The following SPATA16 variants were observed in gnomAD, a reference collection of about 807,000 sequenced individuals.
SPATA16 encodes spermatogenesis associated 16.
In SPATA16, 36 loss-of-function variants were observed where a neutral mutation model predicts 63.3. That is an observed-to-expected ratio of 0.57 (90% CI 0.44 to 0.75). The LOEUF is 0.75. Among genes scored for constraint, SPATA16 ranks in the 30% least tolerant of loss-of-function variants. The probability of loss-of-function intolerance (pLI) is 0.00; values close to 1 mark genes in which losing one functional copy is unlikely to be tolerated. For missense variants in SPATA16, 646 were observed against 679.3 expected (o/e 0.95, Z 0.54); for synonymous variants, 203 against 216.7 (o/e 0.94, Z 0.56).
At chr3:172,963,335 A>T (rs1228290174) in intron 5 of SPATA16, among the ~76,000 whole-genome samples, 1 of 152,138 alleles carries the variant, frequency 6.6e-6, no homozygotes, top group Non-Finnish European at 1.5e-5. Context: ...TGCATTATTT[A>T]GAAATCACTA....
chr3:172,930,553 C>CT (rs34780432), intron 6 of SPATA16, among the ~76,000 whole-genome samples: 6,245 of 87,124 alleles, frequency 0.072, 932 homozygotes, highest in African/African-American at 0.23. Context: ...CATTCAAACT[C>CT]TTTTTTTTTT....
chr3:172,947,832 G>A (rs1039228379), intron 6 of SPATA16, among the ~76,000 whole-genome samples: 3 of 152,022 alleles, frequency 2.0e-5, no homozygotes, highest in Non-Finnish European at 4.4e-5. Flanking sequence ...AATATATGTG[G>A]GGTTTAAAAC....
chr3:172,911,812 A>G (rs1315824812), intron 10 of SPATA16, among the ~76,000 whole-genome samples: 1 of 152,148 alleles, frequency 6.6e-6, no homozygotes, highest in Non-Finnish European at 1.5e-5. Context: ...AATATTTCTT[A>G]GGTCCGTCTG....
At chr3:173,137,285 C>T (rs1014011383) in intron 1 of SPATA16, among the ~76,000 whole-genome samples, 7 of 152,106 alleles carry the variant, frequency 4.6e-5, no homozygotes, top group African/African-American at 1.7e-4. Flanking sequence ...CCAACCCCAT[C>T]CCATTATCTT....
chr3:173,111,195 T>C (rs890147332), intron 2 of SPATA16, among the ~76,000 whole-genome samples: 4 of 152,158 alleles, frequency 2.6e-5, no homozygotes, highest in African/African-American at 9.7e-5. Context: ...GAGAGGGTTA[T>C]TGCAATGATT....
chr3:172,957,082 T>C (rs1011495450), intron 5 of SPATA16, among the ~76,000 whole-genome samples: 7 of 152,244 alleles, frequency 4.6e-5, no homozygotes, highest in South Asian at 4.1e-4. Flanking sequence ...AAGATAAAAA[T>C]ATAAATTCTG....
intron 2 of SPATA16, among the ~76,000 whole-genome samples, chr3:173,050,459 C>A (rs897471344): frequency 2.6e-5 from 4 of 152,064 alleles, no homozygotes; most frequent in Non-Finnish European, 5.9e-5. Context: ...CATCTACTAT[C>A]TGCCAAAGTT....
At chr3:173,058,744 T>C (rs909080252) in intron 2 of SPATA16, among the ~76,000 whole-genome samples, 9 of 152,028 alleles carry the variant, frequency 5.9e-5, no homozygotes, top group Admixed American at 2.0e-4. Context: ...ATTTGTTCAC[T>C]TATTTTTATT....
chr3:172,935,412 T>G (rs895016732), intron 6 of SPATA16, among the ~76,000 whole-genome samples: 6 of 152,234 alleles, frequency 3.9e-5, no homozygotes, highest in African/African-American at 1.4e-4. Context: ...TGCAGTATAT[T>G]GTAAACAATG....
intron 4 of SPATA16, among the ~76,000 whole-genome samples, chr3:173,015,011 T>TA (rs1190939074): frequency 1.3e-5 from 2 of 152,178 alleles, no homozygotes; most frequent in African/African-American, 4.8e-5. Context: ...TTTGTATCCC[T>TA]TATCTAGCCC....
intron 4 of SPATA16, 46 bp from the exon 5 acceptor site, chr3:172,977,098 G>T: frequency 6.7e-7 from 1 of 1,489,734 alleles, no homozygotes; most frequent in Non-Finnish European, 9.3e-7. Context: ...CAAATGTATA[G>T]GACAGAAGGA....
Position 172,951,475 on chromosome 3 carries a change from C to T in SPATA16, c.1081+5202G>A, listed in dbSNP as rs982666184. On this transcript the variant is annotated intron_variant, in intron 6 of 10. Transcript: ENST00000351008. ...TCCACTGTAAAGTTCATAGATAATG[C>T]GATTGGCTTATTTGATAATTTAAAA... Among the ~76,000 whole-genome samples, 6 of 151,222 alleles carry T rather than the reference C, an allele frequency of 4.0e-5. No individual in the cohort carries two copies. The South Asian group carries it at 6.3e-4, about 16-fold the overall frequency.
At chr3:172,941,934 A>G (rs1733158359) in intron 6 of SPATA16, among the ~76,000 whole-genome samples, 1 of 152,128 alleles carries the variant, frequency 6.6e-6, no homozygotes, top group African/African-American at 2.4e-5. Flanking sequence ...TCATGAAACT[A>G]CGATTTTGTT....
intron 2 of SPATA16, among the ~76,000 whole-genome samples, chr3:173,077,630 G>A (rs764321382): frequency 3.9e-5 from 6 of 152,140 alleles, no homozygotes; most frequent in Middle Eastern, 3.2e-3. Flanking sequence ...TGTGAGAACG[G>A]GTGATAACTT....
At chr3:172,960,973 TTTTCTC>T (rs1292388892) in intron 5 of SPATA16, among the ~76,000 whole-genome samples, 2 of 148,366 alleles carry the variant, frequency 1.3e-5, no homozygotes, top group African/African-American at 5.0e-5. Context: ...CTCTCTTTCT[TTTTCTC>T]TTTCTCTTTC....
intron 1 of SPATA16, among the ~76,000 whole-genome samples, chr3:173,133,891 C>T (rs1457624541): frequency 2.6e-5 from 4 of 152,102 alleles, no homozygotes; most frequent in Non-Finnish European, 5.9e-5. Context: ...TAACAAAGAA[C>T]ATCAGAATGT....
intron 3 of SPATA16, among the ~76,000 whole-genome samples, chr3:173,029,771 A>G (rs1184957590): frequency 6.6e-6 from 1 of 152,010 alleles, no homozygotes; most frequent in Non-Finnish European, 1.5e-5. Flanking sequence ...TTCTCCCCAT[A>G]GGGATAGATT....
intron 6 of SPATA16, among the ~76,000 whole-genome samples, chr3:172,942,435 T>C (rs1467102491): frequency 6.6e-6 from 1 of 152,084 alleles, no homozygotes; most frequent in Non-Finnish European, 1.5e-5. Context: ...TCAGACAAAA[T>C]AGATTTTAAT....
intron 2 of SPATA16, among the ~76,000 whole-genome samples, chr3:173,110,539 T>C (rs1737724869): frequency 6.6e-6 from 1 of 152,222 alleles, no homozygotes; most frequent in East Asian, 1.9e-4. Context: ...ACACATACCA[T>C]ACAGGGAAGT....
Sources: gnomAD v4.1 joint callset for allele counts (sites outside exome capture counted in the v4.1 genomes callset) on GRCh38, gnomAD v4.1.1 for gene constraint, MANE v1.5 for transcripts, NCBI Gene and HGNC (gene_info 2026-07-23, HGNC 2026-07-21) for gene names.